PRDM16: variants seen among roughly 807,000 people sequenced by gnomAD.
The protein encoded by PRDM16 is histone-lysine N-methyltransferase PRDM16.
Under a neutral mutation model 110.6 loss-of-function variants are expected in PRDM16, and 23 were observed. The ratio of observed to expected loss-of-function variants is 0.21; its 90% confidence interval spans 0.15 to 0.29. The LOEUF (loss-of-function observed/expected upper bound fraction) is 0.29, where lower values mean the gene tolerates loss of function less well. PRDM16 is among the 10% of genes least tolerant of loss of function. The probability of loss-of-function intolerance (pLI) is 1.00; values close to 1 mark genes in which losing one functional copy is unlikely to be tolerated. For missense variants in PRDM16, 1,615 were observed against 1,794.3 expected (o/e 0.90, Z 1.81); for synonymous variants, 799 against 781.8 (o/e 1.02, Z -0.37).
At chr1:3,205,027 G>T (rs1247388356) in intron 2 of PRDM16, among the ~76,000 whole-genome samples, 1 of 152,152 alleles carries the variant, frequency 6.6e-6, no homozygotes, top group Non-Finnish European at 1.5e-5. Flanking sequence ...ACGCAGGCCC[G>T]GGTATAATGC....
intron 3 of PRDM16, among the ~76,000 whole-genome samples, chr1:3,287,500 G>C (rs1259656147): frequency 1.2e-4 from 9 of 72,656 alleles, no homozygotes; most frequent in African/African-American, 2.7e-4. Flanking sequence ...ACCGGGGCTG[G>C]AGCCGCCCCG....
chr1:3,181,371 C>T (rs184182728), intron 1 of PRDM16, among the ~76,000 whole-genome samples: 3 of 22,634 alleles, frequency 1.3e-4, no homozygotes, highest in Non-Finnish European at 5.0e-4. Context: ...GTCTTACACA[C>T]GCAGTCTTAC....
chr1:3,129,222 C>A (rs1314628830), intron 1 of PRDM16, among the ~76,000 whole-genome samples: 2 of 144,924 alleles, frequency 1.4e-5, no homozygotes, highest in Non-Finnish European at 3.0e-5. Context: ...ATGTGTGTGT[C>A]TTGGCTGGTA....
chr1:3,314,606 C>G (rs1354422573), intron 3 of PRDM16, among the ~76,000 whole-genome samples: 2 of 151,966 alleles, frequency 1.3e-5, no homozygotes, highest in Non-Finnish European at 2.9e-5. Context: ...CTCCCTCCTT[C>G]TCTGTGTCAA....
intron 3 of PRDM16, among the ~76,000 whole-genome samples, chr1:3,270,081 C>T (rs1640403102): frequency 6.7e-6 from 1 of 149,540 alleles, no homozygotes. Context: ...AGGACAGTCC[C>T]AGAGGATGAC....
rs1194142827 is a variant in PRDM16, at chr1:3,434,720, G to T, written c.*909G>T. On this transcript the variant is annotated 3_prime_UTR_variant, in exon 17 of 17. Coordinates refer to ENST00000270722, the MANE Select transcript of PRDM16 (RefSeq NM_022114.4). ...ACCCAAGATCCCTCAATTATATGGG[G>T]AAGTCGAGGGCCTGTGGCTTGGATC... 1 of 232,510 alleles carries T rather than the reference G, an allele frequency of 4.3e-6. No individual in the cohort carries two copies. The highest frequency in any genetic ancestry group is 6.1e-5 in the East Asian group (1 of 16,524). The allele number at this position is 232,510 out of a possible 1,614,324, so 14.4% of individuals were successfully genotyped here.
chr1:3,388,300 C>G (rs200307787), intron 4 of PRDM16, among the ~76,000 whole-genome samples: 1 of 152,146 alleles, frequency 6.6e-6, no homozygotes, highest in Non-Finnish European at 1.5e-5. Flanking sequence ...TTCTCTGTCT[C>G]TCTCTTTCTC....
In PRDM16 at chr1:3,353,047, A is replaced by G. The variant is rs1642525855; in HGVS notation, c.439-32105A>G. On this transcript the variant is annotated intron_variant, in intron 3 of 16. Transcript: ENST00000270722. The surrounding 1 kb of genome is among the most constrained non-coding windows in gnomAD (Gnocchi z 5.4). ...TCAGAGCAGTGCCCTGAGGAGGACCAGGCCTGGGGCTCTGGAGCCAGAAGT... is the reference window on the plus strand; with the variant it reads ...TCAGAGCAGTGCCCTGAGGAGGACCGGGCCTGGGGCTCTGGAGCCAGAAGT... 6.6e-6 allele frequency among the ~76,000 whole-genome samples: 1 copy of G among 152,288 alleles called. No homozygotes were observed. The highest frequency in any genetic ancestry group is 1.5e-5 in the Non-Finnish European group (1 of 68,010).
chr1:3,309,490 G>A (rs1242505673), intron 3 of PRDM16: 2 of 152,290 alleles, frequency 1.3e-5, no homozygotes, highest in African/African-American at 4.8e-5. Context: ...GCCCAGACAA[G>A]CACATGCCAG....
intron 1 of PRDM16, among the ~76,000 whole-genome samples, chr1:3,079,542 C>T (rs1056650870): frequency 2.0e-5 from 3 of 152,242 alleles, no homozygotes; most frequent in Non-Finnish European, 2.9e-5. Context: ...ATGGAGCGGC[C>T]TGGCCCCAGG....
chr1:3,203,215 G>C (rs1638673742), intron 2 of PRDM16, among the ~76,000 whole-genome samples: 2 of 152,200 alleles, frequency 1.3e-5, no homozygotes, highest in South Asian at 4.1e-4. Context: ...GGGTGGTGGG[G>C]GGCCAGGGCT....
At chr1:3,105,093 G>A (rs1193686912) in intron 1 of PRDM16, among the ~76,000 whole-genome samples, 1 of 152,108 alleles carries the variant, frequency 6.6e-6, no homozygotes, top group Non-Finnish European at 1.5e-5. Flanking sequence ...GCTGTCAGGA[G>A]TGCCTGGGCA....
In PRDM16 at chr1:3,412,041, T is replaced by A. The variant is rs763805297; in HGVS notation, c.1844T>A (p.Leu615Gln). ...GTCAACACCACCACGGGGACCGACC[T>A]GGACACGACCACGGGGACGGGCTCG... ...EDVNTTTGTD[L>Q]DTTTGTGSDL... Residue 615 changes from leucine (L) to glutamine (Q), a missense_variant, in exon 9 of 17, where the codon CTG becomes CAG. By Grantham distance (113) the Leu-to-Gln change is moderately radical (BLOSUM62 -2). Transcript: ENST00000270722. 1.2e-6 allele frequency: 2 copies of A among 1,612,502 alleles called. No homozygotes were observed. Among genetic ancestry groups the A allele is most frequent in the East Asian group, 4.5e-5 (2 of 44,830 alleles).
chr1:3,310,598 G>T (rs1641428659), intron 3 of PRDM16, among the ~76,000 whole-genome samples: 1 of 152,072 alleles, frequency 6.6e-6, no homozygotes, highest in Non-Finnish European at 1.5e-5. Context: ...CGGGTTACTT[G>T]GTCCCCAAGT....
chr1:3,339,417 C>A lies in PRDM16; in HGVS notation c.439-45735C>A, dbSNP rs1414386513. On this transcript the variant is annotated intron_variant, in intron 3 of 16. Transcript: ENST00000270722. This position sits in a 1 kb window ranked among gnomAD's most constrained non-coding sequence, Gnocchi z 5.0. The stretch of plus-strand genomic sequence containing the variant: ...AACCATCCTGGGTGGTCAGTAGGAC[C>A]CTAGAAAGTGCTCAGAGCAGAGCGG... 1.3e-5 allele frequency among the ~76,000 whole-genome samples: 2 copies of A among 151,972 alleles called. No homozygotes were observed. Among genetic ancestry groups the A allele is most frequent in the Non-Finnish European group, 2.9e-5 (2 of 67,994 alleles).
chr1:3,158,285 G>A (rs930977758), intron 1 of PRDM16, among the ~76,000 whole-genome samples: 3 of 152,098 alleles, frequency 2.0e-5, no homozygotes, highest in Non-Finnish European at 2.9e-5. Context: ...GACCTCAAGG[G>A]GGTTGCTTTC....
At chr1:3,433,346 T>C (rs567522734) in intron 16 of PRDM16, among the ~76,000 whole-genome samples, 1 of 152,240 alleles carries the variant, frequency 6.6e-6, no homozygotes, top group Admixed American at 6.5e-5. Flanking sequence ...CTGCCCCCTG[T>C]GGCCCAGGGC....
At position 3,359,699 on chromosome 1, in the gene PRDM16, TC is replaced by T. The variant is rs1209386475; in HGVS notation, c.439-25448del. 1.3e-5 allele frequency among the ~76,000 whole-genome samples: 2 copies of T among 151,974 alleles called. No homozygotes were observed. The highest frequency in any genetic ancestry group is 2.9e-5 in the Non-Finnish European group (2 of 67,996). On this transcript the variant is annotated intron_variant, in intron 3 of 16. Coordinates refer to ENST00000270722, the MANE Select transcript of PRDM16 (RefSeq NM_022114.4). The surrounding 1 kb of genome is among the most constrained non-coding windows in gnomAD (Gnocchi z 4.3). ...AAATTTTTGGCAATCTTGACTTCTT[TC>T]CCCCTTGGAAAAAAAGCGTCCTCTG...
rs1324936291 is a variant in PRDM16, at chr1:3,175,945, C to T, written c.38-10180C>T. ...GAAACTGCCCTGGAGGTTGCCCTTACCCCATCCATCCATCCACTCACTCAC... is the reference window on the plus strand; with the variant it reads ...GAAACTGCCCTGGAGGTTGCCCTTATCCCATCCATCCATCCACTCACTCAC... On this transcript the variant is annotated intron_variant, in intron 1 of 16. Coordinates refer to ENST00000270722, the MANE Select transcript of PRDM16 (RefSeq NM_022114.4). This position sits in a 1 kb window ranked among gnomAD's most constrained non-coding sequence, Gnocchi z 4.8. Among the ~76,000 whole-genome samples the T allele has an allele frequency of 1.3e-5, 2 of 151,804 alleles. No individual in the cohort carries two copies. Among genetic ancestry groups the T allele is most frequent in the Non-Finnish European group, 2.9e-5 (2 of 67,970 alleles).
Sources: allele counts gnomAD v4.1 joint callset (sites outside exome capture counted in the v4.1 genomes callset), GRCh38; gene constraint gnomAD v4.1.1; non-coding constraint Gnocchi (gnomAD v3.1); transcripts MANE v1.5; gene names NCBI Gene and HGNC (gene_info 2026-07-23, HGNC 2026-07-21).